NELL2: variants seen among roughly 807,000 people sequenced by gnomAD.
NELL2 encodes the protein protein kinase C-binding protein NELL2.
Under a neutral mutation model 109.6 loss-of-function variants are expected in NELL2, and 41 were observed. The observed-to-expected ratio is 0.37, with a 90% CI of 0.29 to 0.49. The LOEUF (loss-of-function observed/expected upper bound fraction) is 0.49. Among genes scored for constraint, NELL2 ranks in the 20% least tolerant of loss-of-function variants. NELL2 has a pLI of 0.98. For missense variants in NELL2, 900 were observed against 1,008.3 expected, an observed-to-expected ratio of 0.89 and a Z score of 1.45; for synonymous variants, 355 against 344.7, an observed-to-expected ratio of 1.03 and a Z score of -0.33.
chr12:44,769,004 C>CA (rs72119201), intron 9 of NELL2, among the ~76,000 whole-genome samples: 30,909 of 151,060 alleles, frequency 0.2, 3,358 homozygotes, highest in South Asian at 0.28. Flanking sequence ...CTGTTAAAAA[C>CA]AAAAAAAAAT....
intron 1 of NELL2, among the ~76,000 whole-genome samples, chr12:44,912,349 A>C (rs1945789368): frequency 2.0e-5 from 3 of 152,146 alleles, no homozygotes; most frequent in African/African-American, 2.4e-5. Context: ...GATTATCACA[A>C]GAAAAAGGAG....
chr12:44,833,545 T>C (rs1190521593), intron 2 of NELL2, among the ~76,000 whole-genome samples: 2 of 152,188 alleles, frequency 1.3e-5, no homozygotes, highest in Non-Finnish European at 2.9e-5. Flanking sequence ...CCCCAATAAC[T>C]ACCAGCAATT....
chr12:44,773,860 T>C (rs910004921), intron 9 of NELL2, among the ~76,000 whole-genome samples: 1 of 151,760 alleles, frequency 6.6e-6, no homozygotes, highest in African/African-American at 2.4e-5. Flanking sequence ...TTTTCTCTGA[T>C]AGCTTGTCAC....
chr12:44,775,653 G>A (rs954240531), intron 8 of NELL2, among the ~76,000 whole-genome samples: 2 of 152,050 alleles, frequency 1.3e-5, no homozygotes, highest in Non-Finnish European at 2.9e-5. Context: ...AATATTTAAT[G>A]CTGCATATGA....
intron 19 of NELL2, among the ~76,000 whole-genome samples, chr12:44,513,236 C>T (rs904145650): frequency 1.3e-5 from 2 of 151,984 alleles, no homozygotes; most frequent in African/African-American, 4.8e-5. Flanking sequence ...CCCCCCCTAA[C>T]TGGTGTAAAG....
chr12:44,643,505 A>G (rs1225744774), intron 13 of NELL2, among the ~76,000 whole-genome samples: 1 of 152,210 alleles, frequency 6.6e-6, no homozygotes, highest in Non-Finnish European at 1.5e-5. Flanking sequence ...AAAGGGAAAA[A>G]AAAGATAAAA....
At chr12:44,907,139 G>GT (rs1309328376) in intron 1 of NELL2, among the ~76,000 whole-genome samples, 2 of 152,080 alleles carry the variant, frequency 1.3e-5, no homozygotes, top group Non-Finnish European at 2.9e-5. Flanking sequence ...TGCCATGATT[G>GT]TAAGTTTCCT....
intron 10 of NELL2, among the ~76,000 whole-genome samples, chr12:44,713,194 A>G (rs964713012): frequency 2.0e-5 from 3 of 148,218 alleles, no homozygotes; most frequent in Non-Finnish European, 3.0e-5. Flanking sequence ...ACACACACAC[A>G]CACACACACA....
At chr12:44,529,755 T>C (rs545577782) in intron 16 of NELL2, among the ~76,000 whole-genome samples, 1 of 152,284 alleles carries the variant, frequency 6.6e-6, no homozygotes, top group East Asian at 1.9e-4. Flanking sequence ...AAGTGGAAAT[T>C]GTTAGTAATC....
intron 13 of NELL2, among the ~76,000 whole-genome samples, chr12:44,634,111 G>A (rs1048649661): frequency 2.0e-5 from 3 of 151,994 alleles, no homozygotes; most frequent in Admixed American, 6.6e-5. Flanking sequence ...AATTGTAAAG[G>A]ATTTTACAAA....
intron 14 of NELL2, 90 bp from the exon 15 acceptor site, chr12:44,607,354 T>C: frequency 1.1e-6 from 1 of 902,224 alleles, no homozygotes; most frequent in Non-Finnish European, 1.6e-6. Flanking sequence ...CCCTTGGAGA[T>C]GTAAACATCA....
chr12:44,665,034 T>C lies in NELL2; in HGVS notation c.1444+450A>G, dbSNP rs1402880594. ...AAAACTTCTTTGATGTAGTTCTCAA[T>C]TGTACTTCTCAGACATGTGAAGAAG... is the stretch of plus-strand genomic sequence containing the variant. On this transcript the variant is annotated intron_variant, in intron 13 of 19. Coordinates refer to ENST00000429094, the MANE Select transcript of NELL2 (RefSeq NM_001145108.2). 2.6e-5 allele frequency among the ~76,000 whole-genome samples: 4 copies of C among 152,260 alleles called. No individual in the cohort carries two copies. The South Asian group carries it at 6.2e-4, about 24-fold the overall frequency.
chr12:44,597,760 G>A (rs1747478513), intron 15 of NELL2, among the ~76,000 whole-genome samples: 1 of 152,156 alleles, frequency 6.6e-6, no homozygotes, highest in African/African-American at 2.4e-5. Context: ...ACTCCAGTGG[G>A]AGGGAATGAG....
At chr12:44,837,933 T>C (rs1369561047) in intron 2 of NELL2, among the ~76,000 whole-genome samples, 2 of 152,186 alleles carry the variant, frequency 1.3e-5, no homozygotes, top group African/African-American at 4.8e-5. Context: ...CCTAAAATCA[T>C]CTTAAAGTAG....
Position 44,875,563 on chromosome 12 carries a change from TCCTTTAAAC to T in NELL2, c.56-219_56-211del, listed in dbSNP as rs776064213. The T allele has an allele frequency of 1.1e-5, 17 of 1,612,912 alleles. No individual in the cohort carries two copies. In the East Asian group the frequency reaches 2.5e-4, roughly 23 times the overall value. On this transcript the variant is annotated intron_variant, in intron 1 of 19. Coordinates refer to ENST00000429094, the MANE Select transcript of NELL2 (RefSeq NM_001145108.2). The stretch of plus-strand genomic sequence containing the variant: ...AGCACCCAGTCCCGTTTCCATGACC[TCCTTTAAAC>T]CCTTCTCTCTGCAAAGTTCCCCCTC...
intron 12 of NELL2, among the ~76,000 whole-genome samples, chr12:44,693,194 G>A (rs1948950587): frequency 6.6e-6 from 1 of 152,130 alleles, no homozygotes; most frequent in South Asian, 2.1e-4. Flanking sequence ...CAACATTGAG[G>A]CAAGACCCTC....
At chr12:44,833,670 A>C (rs1943957114) in intron 2 of NELL2, among the ~76,000 whole-genome samples, 1 of 152,216 alleles carries the variant, frequency 6.6e-6, no homozygotes, top group Non-Finnish European at 1.5e-5. Flanking sequence ...GTGTAAGAAT[A>C]AGTTACTCCC....
intron 12 of NELL2, among the ~76,000 whole-genome samples, chr12:44,676,370 C>T (rs1411403205): frequency 6.6e-6 from 1 of 151,946 alleles, no homozygotes; most frequent in Non-Finnish European, 1.5e-5. Flanking sequence ...AGTGAAATAC[C>T]AGTAAAGAAT....
intron 1 of NELL2, among the ~76,000 whole-genome samples, chr12:44,898,781 T>G (rs1405021923): frequency 1.3e-5 from 2 of 152,094 alleles, no homozygotes; most frequent in East Asian, 3.9e-4. Context: ...GAAGTAGGCT[T>G]CAGAAGGTGG....
Sources: gnomAD v4.1 joint callset for allele counts (sites outside exome capture counted in the v4.1 genomes callset) on GRCh38, gnomAD v4.1.1 for gene constraint, MANE v1.5 for transcripts, NCBI Gene and HGNC (gene_info 2026-07-23, HGNC 2026-07-21) for gene names.